KAT2B: variants seen among roughly 807,000 people sequenced by gnomAD.
KAT2B encodes lysine acetyltransferase 2B.
A neutral mutation model predicts 105.9 loss-of-function variants in KAT2B; 36 were observed. The ratio of observed to expected loss-of-function variants is 0.34; its 90% CI spans 0.26 to 0.45. The LOEUF is 0.45. KAT2B is among the 20% of genes least tolerant of loss of function. KAT2B has a pLI of 1.00. For missense variants in KAT2B, 820 were observed against 1,021.6 expected, an observed-to-expected ratio of 0.80 and a Z score of 2.69; for synonymous variants, 397 against 377.9, an observed-to-expected ratio of 1.05 and a Z score of -0.59.
intron 11 of KAT2B, among the ~76,000 whole-genome samples, chr3:20,134,556 G>A (rs1399936399): frequency 5.3e-5 from 8 of 152,010 alleles, no homozygotes; most frequent in African/African-American, 1.4e-4. Context: ...TTACAGGCAC[G>A]TGCCACCACG....
chr3:20,052,027 C>T (rs1697923880), intron 1 of KAT2B, among the ~76,000 whole-genome samples: 1 of 152,192 alleles, frequency 6.6e-6, no homozygotes, highest in South Asian at 2.1e-4. Flanking sequence ...GGAATCAAGT[C>T]TTTTATAATT....
chr3:20,063,925 C>A (rs1014825206), intron 1 of KAT2B, among the ~76,000 whole-genome samples: 4 of 152,122 alleles, frequency 2.6e-5, no homozygotes, highest in Non-Finnish European at 5.9e-5. Context: ...CAGCTTCATT[C>A]TTGTGCACAC....
At chr3:20,119,127 C>T (rs1404227218) in intron 7 of KAT2B, among the ~76,000 whole-genome samples, 1 of 151,970 alleles carries the variant, frequency 6.6e-6, no homozygotes, top group Non-Finnish European at 1.5e-5. Flanking sequence ...AGTATTACCA[C>T]CTTTCCTTTT....
Position 20,153,106 on chromosome 3 carries a change from C to T in KAT2B, c.*581C>T, listed in dbSNP as rs1699896874. On this transcript the variant is annotated 3_prime_UTR_variant, in exon 18 of 18. Coordinates refer to ENST00000263754, the MANE Select transcript of KAT2B (RefSeq NM_003884.5). ...TCTGAAAAATGCAGTTCCAGGAAAGCAACTGCTTTGGTTCCTAAGGAAGAA... is the reference window on the plus strand; with the variant it reads ...TCTGAAAAATGCAGTTCCAGGAAAGTAACTGCTTTGGTTCCTAAGGAAGAA... 6.6e-6 allele frequency: 1 copy of T among 152,494 alleles called. No homozygotes were observed. The highest frequency in any genetic ancestry group is 2.4e-5 in the African/African-American group (1 of 41,420). 9.4% of individuals were successfully genotyped at this position (152,494 alleles called of 1,614,324 possible). A position where few individuals can be genotyped will look rare whatever the true frequency, so the allele number is the denominator to read the frequency against.
In KAT2B at chr3:20,113,989, G is replaced by A. The variant is rs116623709; in HGVS notation, c.1044-893G>A. On this transcript the variant is annotated intron_variant, in intron 6 of 17. Transcript: ENST00000263754. ...TTCACCACTCTGAACTATTTTTAGT[G>A]CTTTTAGTTATTTCTGTTTTTCTCC... Among the ~76,000 whole-genome samples the A allele has an allele frequency of 2.4e-3, 366 of 152,204 alleles. 1 individual carries two copies. The highest frequency in any genetic ancestry group is 8.4e-3 in the African/African-American group (348 of 41,522).
At chr3:20,093,496 G>C (rs1377280984) in intron 2 of KAT2B, among the ~76,000 whole-genome samples, 1 of 152,124 alleles carries the variant, frequency 6.6e-6, no homozygotes, top group Non-Finnish European at 1.5e-5. Context: ...AAGAGTTGTG[G>C]TAAGGAGGGG....
At chr3:20,099,344 C>T (rs1212058568) in intron 3 of KAT2B, among the ~76,000 whole-genome samples, 1 of 152,202 alleles carries the variant, frequency 6.6e-6, no homozygotes, top group East Asian at 1.9e-4. Context: ...GATGCGTATG[C>T]CGTGCAGCTG....
At chr3:20,110,884 G>A (rs747287869) in intron 5 of KAT2B, among the ~76,000 whole-genome samples, 3 of 151,852 alleles carry the variant, frequency 2.0e-5, no homozygotes, top group Non-Finnish European at 2.9e-5. Flanking sequence ...TGATGCTGAG[G>A]TGCATTTTTG....
intron 5 of KAT2B, among the ~76,000 whole-genome samples, chr3:20,106,310 G>T (rs1196560866): frequency 6.6e-6 from 1 of 152,238 alleles, no homozygotes; most frequent in African/African-American, 2.4e-5. Flanking sequence ...AATCAGTCAT[G>T]TAGGTAAAAT....
intron 2 of KAT2B, among the ~76,000 whole-genome samples, chr3:20,082,728 G>A (rs1040102601): frequency 6.6e-6 from 1 of 152,090 alleles, no homozygotes; most frequent in African/African-American, 2.4e-5. Context: ...CGTAGATATG[G>A]CTTTCTAAAA....
intron 17 of KAT2B, among the ~76,000 whole-genome samples, chr3:20,149,550 A>G (rs988254916): frequency 1.3e-5 from 2 of 149,674 alleles, no homozygotes; most frequent in Admixed American, 6.7e-5. Context: ...GTGAAAAGGA[A>G]GAGTGAAAGG....
At chr3:20,099,751 G>C in intron 3 of KAT2B, 111 bp from the exon 4 acceptor site, 1 of 606,754 alleles carries the variant, frequency 1.6e-6, no homozygotes, top group African/African-American at 1.9e-5. Flanking sequence ...GGCTGTGTGT[G>C]TGTGTGTAAG....
chr3:20,058,653 A>G (rs1236356716), intron 1 of KAT2B, among the ~76,000 whole-genome samples: 1 of 150,914 alleles, frequency 6.6e-6, no homozygotes, highest in Admixed American at 6.6e-5. Flanking sequence ...TAGTTTAAAA[A>G]TCCCAGCTTG....
Position 20,055,257 on chromosome 3 carries a change from A to G in KAT2B, c.303+14477A>G, listed in dbSNP as rs368507599. On this transcript the variant is annotated intron_variant, in intron 1 of 17. Coordinates refer to ENST00000263754, the MANE Select transcript of KAT2B (RefSeq NM_003884.5). The stretch of plus-strand genomic sequence containing the variant: ...GCAGCTGTAATGTGGAGACAGTGAT[A>G]TATGTCAACTTTTTCCGTTTACTCA... Among the ~76,000 whole-genome samples, 95 of 152,272 alleles carry G rather than the reference A, an allele frequency of 6.2e-4. No individual in the cohort carries two copies. The Middle Eastern group carries it at 0.017, about 27-fold the overall frequency.
At position 20,153,756 on chromosome 3, in the gene KAT2B, T is replaced by C. The variant is rs1430471198; in HGVS notation, c.*1231T>C. On this transcript the variant is annotated 3_prime_UTR_variant, in exon 18 of 18. Coordinates refer to ENST00000263754, the MANE Select transcript of KAT2B (RefSeq NM_003884.5). ...ATATAAATGAAGGCCATCTTGATGG[T>C]CTCAACACTAATTTTTATGATGCAA... 6.6e-6 allele frequency: 1 copy of C among 152,602 alleles called. No individual in the cohort carries two copies. Among genetic ancestry groups the C allele is most frequent in the African/African-American group, 2.4e-5 (1 of 41,450 alleles). The allele number at this position is 152,602 out of a possible 1,614,324, so 9.5% of individuals were successfully genotyped here.
At chr3:20,062,619 G>A (rs1004709900) in intron 1 of KAT2B, among the ~76,000 whole-genome samples, 1 of 150,998 alleles carries the variant, frequency 6.6e-6, no homozygotes, top group African/African-American at 2.4e-5. Context: ...GCGCCGCCAC[G>A]CCCAGCCAAT....
intron 13 of KAT2B, among the ~76,000 whole-genome samples, chr3:20,144,611 T>TC (rs1389650391): frequency 2.6e-5 from 4 of 150,964 alleles, no homozygotes; most frequent in Admixed American, 6.6e-5. Context: ...TCTTTTTTTT[T>TC]TTTAAGATTT....
At position 20,080,441 on chromosome 3, in the gene KAT2B, T is replaced by G. The variant is rs1407592067; in HGVS notation, c.430+7982T>G. 2.0e-5 allele frequency among the ~76,000 whole-genome samples: 3 copies of G among 152,308 alleles called. No homozygotes were observed. In the East Asian group the frequency reaches 5.8e-4, roughly 29 times the overall value. ...GAACTCTGTAGAGAGAATAAAGGCC[T>G]TCTTAGAGCTCTGTGGCAATGTTCC... On this transcript the variant is annotated intron_variant, in intron 2 of 17. Coordinates refer to ENST00000263754, the MANE Select transcript of KAT2B (RefSeq NM_003884.5).
At chr3:20,107,019 T>A (rs868395226) in intron 5 of KAT2B, among the ~76,000 whole-genome samples, 75 of 24,666 alleles carry the variant, frequency 3.0e-3, no homozygotes, top group Non-Finnish European at 4.0e-3. Context: ...ATATATATTT[T>A]TTTTTTTTTT....
Sources: gnomAD v4.1 joint callset for allele counts (sites outside exome capture counted in the v4.1 genomes callset) on GRCh38, gnomAD v4.1.1 for gene constraint, MANE v1.5 for transcripts, NCBI Gene and HGNC (gene_info 2026-07-23, HGNC 2026-07-21) for gene names.